Variants in AKR1B15 observed in about 807,000 individuals in gnomAD.
AKR1B15 encodes estradiol 17-beta-dehydrogenase AKR1B15.
AKR1B15 carries 49 observed loss-of-function variants against 38.5 expected under a neutral mutation model. The ratio of observed to expected loss-of-function variants is 1.27; its 90% CI spans 1.01 to 1.62. The LOEUF (loss-of-function observed/expected upper bound fraction) is 1.62. Ranked by LOEUF, AKR1B15 falls within the 40% of genes most tolerant of loss-of-function variation. The pLI is 0.00. For synonymous variants in AKR1B15, 137 were observed against 135.5 expected (o/e 1.01, Z -0.08); for missense variants, 411 against 381.6 (o/e 1.08, Z -0.64).
At chr7:134,570,858 A>T (rs1316144054) in intron 5 of AKR1B15, among the ~76,000 whole-genome samples, 1 of 152,226 alleles carries the variant, frequency 6.6e-6, no homozygotes, top group African/African-American at 2.4e-5. Context: ...GTCTGAGAGA[A>T]GACATGATTT....
chr7:134,562,835 TTTC>T, intron 2 of AKR1B15, among the ~76,000 whole-genome samples: 1 of 25,300 alleles, frequency 4.0e-5, no homozygotes, highest in South Asian at 7.9e-4. Flanking sequence ...TTCCTTTCTC[TTTC>T]TTTCTTTCTT....
At position 134,577,839 on chromosome 7, in the gene AKR1B15, T is replaced by C. The variant is rs1225092546; in HGVS notation, c.992+53T>C. On this transcript the variant is annotated intron_variant, in intron 11 of 11. Transcript: ENST00000457545. ...ATTGCCAGGAGTTTTTCTAAACTGG[T>C]AGAGGGTTAGTTGGAAGGATTAGAA... The C allele has an allele frequency of 3.2e-6, 5 of 1,581,204 alleles. No individual in the cohort carries two copies. The African/African-American group carries it at 6.7e-5, about 21-fold the overall frequency.
Position 134,564,690 on chromosome 7 carries a change from T to C in AKR1B15, c.71T>C (p.Val24Ala). ...NFHQGPLDQP[V>A]GPLTGLKSSL... is the part of the protein sequence containing the mutation. ...CACCAAGGACCCCTGGACCAACCCG[T>C]TGGCCCTTTGACTGGCCTAAAGAGT... Residue 24 changes from valine to alanine, a missense_variant, in exon 3 of 12, where the codon GTT becomes GCT. Physicochemically the swap from Val to Ala is moderately conservative, Grantham distance 64. This residue lies in a region of AKR1B15 where 254 missense variants were observed against 212.4 expected (regional missense o/e 1.20). Transcript: ENST00000457545. 1 of 699,300 alleles carries C rather than the reference T, an allele frequency of 1.4e-6. No individual in the cohort carries two copies. The highest frequency in any genetic ancestry group is 2.6e-6 in the Non-Finnish European group (1 of 384,068). The allele number at this position is 699,300 out of a possible 1,614,324, so 43.3% of individuals were successfully genotyped here. A position where few individuals can be genotyped will look rare whatever the true frequency, so the allele number is the denominator to read the frequency against.
chr7:134,561,974 T>A (rs1585797125), intron 2 of AKR1B15, among the ~76,000 whole-genome samples: 1 of 150,506 alleles, frequency 6.6e-6, no homozygotes, highest in African/African-American at 2.4e-5. Flanking sequence ...TTTTTCTTCC[T>A]TCTTTGCTTT....
At chr7:134,558,471 C>T (rs1317328171) in intron 2 of AKR1B15, among the ~76,000 whole-genome samples, 1 of 152,148 alleles carries the variant, frequency 6.6e-6, no homozygotes, top group East Asian at 1.9e-4. Flanking sequence ...ATACTGCAAC[C>T]CATTTCACTG....
At position 134,579,764 on chromosome 7, in the gene AKR1B15, T is replaced by C; in HGVS notation, c.*215T>C. On this transcript the variant is annotated 3_prime_UTR_variant, in exon 12 of 12. Transcript: ENST00000457545. ...GAAAAGCATGGCCTGAATAAGCAAA[T>C]GACAATTTTTTCCACTTATCTGATC... 2.0e-6 allele frequency: 1 copy of C among 499,030 alleles called. No homozygotes were observed. The highest frequency in any genetic ancestry group is 3.8e-5 in the South Asian group (1 of 25,996). The allele number at this position is 499,030 out of a possible 1,614,324, so 30.9% of individuals were successfully genotyped here.
chr7:134,579,436 G>A, intron 11 of AKR1B15, 71 bp from the exon 12 acceptor site: 1 of 1,355,788 alleles, frequency 7.4e-7, no homozygotes, highest in Non-Finnish European at 1.0e-6. Flanking sequence ...CACCAGAGAA[G>A]AATACCTTCT....
chr7:134,551,883 C>T (rs868352610), intron 1 of AKR1B15, among the ~76,000 whole-genome samples: 3 of 152,148 alleles, frequency 2.0e-5, no homozygotes, highest in African/African-American at 2.4e-5. Context: ...CACCCTGCCC[C>T]GCAGCAGAGG....
At chr7:134,564,461 C>T (rs1794488116) in intron 2 of AKR1B15, 137 bp from the exon 3 acceptor site, 2 of 462,188 alleles carry the variant, frequency 4.3e-6, no homozygotes, top group Admixed American at 3.9e-5. Flanking sequence ...CAGGCAATGC[C>T]TTTCTAATTC....
chr7:134,550,524 C>T (rs1410994278), intron 1 of AKR1B15, among the ~76,000 whole-genome samples: 1 of 152,172 alleles, frequency 6.6e-6, no homozygotes, highest in Non-Finnish European at 1.5e-5. Context: ...CTTATCCTCT[C>T]CATAGATCTC....
chr7:134,564,233 G>C (rs1470354811), intron 2 of AKR1B15, among the ~76,000 whole-genome samples: 1 of 152,118 alleles, frequency 6.6e-6, no homozygotes, highest in East Asian at 1.9e-4. Context: ...GGATTTCTCA[G>C]ACAGTTTGCA....
intron 1 of AKR1B15, among the ~76,000 whole-genome samples, chr7:134,556,347 C>T (rs569938869): frequency 6.0e-4 from 92 of 152,208 alleles, no homozygotes; most frequent in African/African-American, 2.2e-3. Flanking sequence ...CTGGTTGTGC[C>T]GAAAGGCCAA....
chr7:134,558,898 T>C (rs534867836), intron 2 of AKR1B15, among the ~76,000 whole-genome samples: 20 of 152,216 alleles, frequency 1.3e-4, no homozygotes, highest in African/African-American at 4.8e-4. Context: ...CATGTTCTCA[T>C]CCAAGGGTAG....
chr7:134,573,584 C>A lies in AKR1B15; in HGVS notation c.514-1836C>A, dbSNP rs1794706935. On this transcript the variant is annotated intron_variant, in intron 6 of 11. Coordinates refer to ENST00000457545, the MANE Select transcript of AKR1B15 (RefSeq NM_001080538.3). ...AGACCCACAACCAGTTCAGTAGAAA[C>A]CTCATTGACTACCCTGAAGCAGAGG... 17 of 976,244 alleles carry A rather than the reference C, an allele frequency of 1.7e-5. No homozygotes were observed. In the South Asian group the frequency reaches 5.7e-4, roughly 33 times the overall value. The allele number at this position is 976,244 out of a possible 1,614,324, so 60.5% of individuals were successfully genotyped here.
chr7:134,559,069 C>T (rs1358714718), intron 2 of AKR1B15, among the ~76,000 whole-genome samples: 1 of 152,162 alleles, frequency 6.6e-6, no homozygotes, highest in African/African-American at 2.4e-5. Flanking sequence ...CAGCCCACCC[C>T]CACCAAATTA....
intron 2 of AKR1B15, among the ~76,000 whole-genome samples, chr7:134,562,843 T>TTTCG (rs1491433567): frequency 2.5e-3 from 188 of 75,120 alleles, no homozygotes; most frequent in African/African-American, 0.011. Flanking sequence ...TCTTTCTTTC[T>TTTCG]TTCTTTCTTT....
rs190359668 is a variant in AKR1B15, at chr7:134,553,926, C to T, written c.-146-2810C>T. Among the ~76,000 whole-genome samples the T allele has an allele frequency of 3.3e-5, 5 of 152,314 alleles. No homozygotes were observed. In the East Asian group the frequency reaches 9.6e-4, roughly 29 times the overall value. On this transcript the variant is annotated intron_variant, in intron 1 of 11. Coordinates refer to ENST00000457545, the MANE Select transcript of AKR1B15 (RefSeq NM_001080538.3). ...TATGGAGACAGATGTACTGTAGGCC[C>T]AGGCACTGCCGGCAGGTACCTTGGC...
In AKR1B15 at chr7:134,564,554, G is replaced by A. The variant is rs545602534; in HGVS notation, c.-22-44G>A. 15 of 657,476 alleles carry A rather than the reference G, an allele frequency of 2.3e-5. No individual in the cohort carries two copies. The African/African-American group carries it at 2.7e-4, about 12-fold the overall frequency. 40.7% of individuals were successfully genotyped at this position (657,476 alleles called of 1,614,324 possible). Reference sequence around the variant, plus strand: ...AGCCATCTTGCTATTACTCACCTTTGGGCCCTGTATTTTTAACCTCCTTGT... The same window carrying A: ...AGCCATCTTGCTATTACTCACCTTTAGGCCCTGTATTTTTAACCTCCTTGT... On this transcript the variant is annotated intron_variant, in intron 2 of 11. Coordinates refer to ENST00000457545, the MANE Select transcript of AKR1B15 (RefSeq NM_001080538.3).
At position 134,575,775 on chromosome 7, in the gene AKR1B15, A is replaced by G. The variant is rs779365338; in HGVS notation, c.637-46A>G. ...TGTAGAACTCCCTAGGAACAATGCA[A>G]AACAGAGCCGGCTTTCCCCGTGATG... On this transcript the variant is annotated intron_variant, in intron 7 of 11. Transcript: ENST00000457545. 1.2e-5 allele frequency: 20 copies of G among 1,607,384 alleles called. No individual in the cohort carries two copies. The South Asian group carries it at 1.7e-4, about 13-fold the overall frequency.
Sources: gnomAD v4.1 joint callset for allele counts (sites outside exome capture counted in the v4.1 genomes callset) on GRCh38, gnomAD v4.1.1 for gene constraint, gnomAD v4.1.1 regional missense constraint, MANE v1.5 for transcripts, NCBI Gene and HGNC (gene_info 2026-07-23, HGNC 2026-07-21) for gene names.